The following XYLT1 variants were observed in gnomAD, a reference collection of about 807,000 sequenced individuals.
XYLT1 encodes xylosyltransferase 1.
Under a neutral mutation model 91.3 loss-of-function variants are expected in XYLT1, and 36 were observed. The ratio of observed to expected loss-of-function variants is 0.39; its 90% CI spans 0.30 to 0.52. The LOEUF (loss-of-function observed/expected upper bound fraction) is 0.52. Ranked by LOEUF, XYLT1 falls within the 20% of genes least tolerant of loss-of-function variation. XYLT1 has a pLI of 0.68. For synonymous variants in XYLT1, 588 were observed against 532.0 expected, an observed-to-expected ratio of 1.11 and a Z score of -1.45; for missense variants, 1,242 against 1,284.5, an observed-to-expected ratio of 0.97 and a Z score of 0.51.
intron 1 of XYLT1, among the ~76,000 whole-genome samples, chr16:17,359,405 C>A (rs1469625193): frequency 6.6e-6 from 1 of 152,196 alleles, no homozygotes; most frequent in Admixed American, 6.5e-5. Flanking sequence ...CATTCACTGT[C>A]TTGATGACTG....
intron 3 of XYLT1, among the ~76,000 whole-genome samples, chr16:17,221,123 A>G (rs1341414694): frequency 2.0e-5 from 3 of 151,958 alleles, no homozygotes; most frequent in Non-Finnish European, 2.9e-5. Flanking sequence ...CTCCTAACAT[A>G]TTGTTTGGGG....
At chr16:17,468,944 GGC>G (rs2036938764) in intron 1 of XYLT1, among the ~76,000 whole-genome samples, 1 of 152,128 alleles carries the variant, frequency 6.6e-6, no homozygotes, top group African/African-American at 2.4e-5. Flanking sequence ...AGAGTTCAAA[GGC>G]AGCGTTTCAG....
At chr16:17,296,957 T>G (rs1160058288) in intron 2 of XYLT1, among the ~76,000 whole-genome samples, 1 of 152,202 alleles carries the variant, frequency 6.6e-6, no homozygotes, top group Non-Finnish European at 1.5e-5. Context: ...AGGAATGACT[T>G]TCCGAGTTTC....
In XYLT1 at chr16:17,117,884, C is replaced by T. The variant is rs142486601; in HGVS notation, c.2319G>A (p.Gly773=). Residue 773 remains glycine, a synonymous_variant, in exon 11 of 12, where the codon GGG becomes GGA. Coordinates refer to ENST00000261381, the MANE Select transcript of XYLT1 (RefSeq NM_022166.4). The part of the protein sequence containing the change: ...MDEPVGMQKW[G]KGPNVTVTVI... The stretch of plus-strand genomic sequence containing the variant: ...CGGTCACGGTCACATTAGGTCCCTT[C>T]CCCCACTTCTGCATACCCACCGGCT... The T allele has an allele frequency of 1.3e-4, 216 of 1,613,968 alleles. No homozygotes were observed. The highest frequency in any genetic ancestry group is 1.8e-4 in the Non-Finnish European group (208 of 1,180,022).
intron 1 of XYLT1, among the ~76,000 whole-genome samples, 199 bp from the exon 2 acceptor site, chr16:17,358,249 T>A (rs959036327): frequency 6.6e-6 from 1 of 151,394 alleles, no homozygotes; most frequent in African/African-American, 2.4e-5. Context: ...TCCTCCCACC[T>A]CAGCCTCCCA....
intron 3 of XYLT1, chr16:17,226,924 A>G (rs757577026): frequency 2.0e-5 from 3 of 152,112 alleles, no homozygotes; most frequent in Non-Finnish European, 4.4e-5. Flanking sequence ...CATGTGCAAA[A>G]AAACTCCCAT....
chr16:17,301,108 T>C (rs2034388661), intron 2 of XYLT1, among the ~76,000 whole-genome samples: 1 of 151,696 alleles, frequency 6.6e-6, no homozygotes, highest in African/African-American at 2.4e-5. Flanking sequence ...AGTATATGTG[T>C]GTGAGAAAAA....
chr16:17,404,856 G>A (rs2036010950), intron 1 of XYLT1, among the ~76,000 whole-genome samples: 1 of 152,164 alleles, frequency 6.6e-6, no homozygotes, highest in African/African-American at 2.4e-5. Flanking sequence ...TAGAAATACA[G>A]GCATAAACGT....
intron 5 of XYLT1, among the ~76,000 whole-genome samples, chr16:17,175,783 C>T (rs775191212): frequency 5.3e-5 from 8 of 152,222 alleles, no homozygotes; most frequent in Non-Finnish European, 1.0e-4. Context: ...CTCCCAGACA[C>T]AGATCCTTGA....
In XYLT1 at chr16:17,132,895, C is replaced by G. The variant is rs572217230; in HGVS notation, c.2027+1578G>C. On this transcript the variant is annotated intron_variant, in intron 9 of 11. Coordinates refer to ENST00000261381, the MANE Select transcript of XYLT1 (RefSeq NM_022166.4). ...TGGGCAACAGAGTAAGACTCTGTCT[C>G]AAAAGAGCACTGTATAACTAACTCA... Among the ~76,000 whole-genome samples, 12 of 152,282 alleles carry G rather than the reference C, an allele frequency of 7.9e-5. No individual in the cohort carries two copies. In the South Asian group the frequency reaches 2.5e-3, roughly 32 times the overall value.
chr16:17,415,508 G>A (rs2036169515), intron 1 of XYLT1, among the ~76,000 whole-genome samples: 1 of 152,128 alleles, frequency 6.6e-6, no homozygotes, highest in Admixed American at 6.5e-5. Flanking sequence ...TGGGCAACAT[G>A]GTGAAACCCC....
rs1191872037 is a variant in XYLT1 at position 17,462,996 on chromosome 16, T to C, written c.363+7438A>G. Among the ~76,000 whole-genome samples the C allele has an allele frequency of 3.9e-5, 6 of 152,254 alleles. 1 individual carries two copies. In the South Asian group the frequency reaches 1.0e-3, roughly 26 times the overall value. On this transcript the variant is annotated intron_variant, in intron 1 of 11. Coordinates refer to ENST00000261381, the MANE Select transcript of XYLT1 (RefSeq NM_022166.4). ...AAGGAAAGTCTTCGATAAGTAGTGC[T>C]GGAAAAACGGGATAGCCATTACCTA...
chr16:17,376,271 T>G lies in XYLT1; in HGVS notation c.364-18221A>C, dbSNP rs545992852. ...GTAGAGACAGGGATGGCGCTCCATA[T>G]CCTACAATGCACAGGTCAGCTGATC... On this transcript the variant is annotated intron_variant, in intron 1 of 11. Transcript: ENST00000261381. 1.5e-3 allele frequency among the ~76,000 whole-genome samples: 231 copies of G among 152,314 alleles called. 5 individuals carry two copies. The South Asian group carries it at 0.047, about 31-fold the overall frequency.
chr16:17,242,301 A>C lies in XYLT1; in HGVS notation c.913+16687T>G, dbSNP rs545155370. ...CTATTCATTTATGCACTATCTACACATTGAGTTGAGTAGTTAGGACAGAGA... is the reference window on the plus strand; with the variant it reads ...CTATTCATTTATGCACTATCTACACCTTGAGTTGAGTAGTTAGGACAGAGA... On this transcript the variant is annotated intron_variant, in intron 3 of 11. Transcript: ENST00000261381. Among the ~76,000 whole-genome samples the C allele has an allele frequency of 3.3e-5, 5 of 152,342 alleles. No homozygotes were observed. In the South Asian group the frequency reaches 1.0e-3, roughly 32 times the overall value.
intron 1 of XYLT1, among the ~76,000 whole-genome samples, chr16:17,392,278 T>C (rs759919532): frequency 1.2e-4 from 18 of 152,128 alleles, no homozygotes; most frequent in Non-Finnish European, 2.4e-4. Flanking sequence ...AACATTCCAT[T>C]CTCTCTGCCG....
At chr16:17,110,579 T>A (rs577183186) in intron 11 of XYLT1, among the ~76,000 whole-genome samples, 17 of 152,308 alleles carry the variant, frequency 1.1e-4, no homozygotes, top group Admixed American at 5.9e-4. Flanking sequence ...CTTCTTACTT[T>A]TATAAATTAC....
chr16:17,401,220 G>A (rs914628927), intron 1 of XYLT1, among the ~76,000 whole-genome samples: 15 of 152,130 alleles, frequency 9.9e-5, no homozygotes, highest in African/African-American at 3.6e-4. Context: ...GAAAAGGGAC[G>A]AGGAAGCAAG....
At chr16:17,384,641 T>C (rs377605607) in intron 1 of XYLT1, among the ~76,000 whole-genome samples, 22 of 151,916 alleles carry the variant, frequency 1.4e-4, no homozygotes, top group African/African-American at 5.1e-4. Flanking sequence ...CCAGTCCCCA[T>C]GTGGCCAGGA....
At chr16:17,127,321 C>T (rs1597136843) in intron 10 of XYLT1, among the ~76,000 whole-genome samples, 1 of 152,190 alleles carries the variant, frequency 6.6e-6, no homozygotes, top group Admixed American at 6.5e-5. Flanking sequence ...CCTAGCAATC[C>T]AGAAAATCTT....
Sources: allele counts gnomAD v4.1 joint callset (sites outside exome capture counted in the v4.1 genomes callset), GRCh38; gene constraint gnomAD v4.1.1; transcripts MANE v1.5; gene names NCBI Gene and HGNC (gene_info 2026-07-23, HGNC 2026-07-21).